Variants in SREK1 observed in about 807,000 individuals in gnomAD.
SREK1 encodes the protein splicing regulatory glutamic acid and lysine rich protein 1.
Under a neutral mutation model 66.5 loss-of-function variants are expected in SREK1, and 13 were observed. The ratio of observed to expected loss-of-function variants is 0.20; its 90% CI spans 0.13 to 0.31. The LOEUF is 0.31. Among genes scored for constraint, SREK1 ranks in the 10% least tolerant of loss-of-function variants. The pLI is 1.00. For missense variants in SREK1, 607 were observed against 769.6 expected (o/e 0.79, Z 2.50); for synonymous variants, 265 against 263.5 (o/e 1.01, Z -0.05).
rs770139735 is a variant in SREK1 at position 66,170,831 on chromosome 5, A to G, written c.1368A>G (p.Glu456=). ...AGAAGGAAAAGGAACAGGACAAAGA[A>G]AAGGAACGAGAAAAAGACAGATCCA... ...DKEKEKEQDK[E]KEREKDRSKE... is the part of the protein sequence containing the mutation. Residue 456 remains glutamate (E), a synonymous_variant, in exon 9 of 12, where the codon GAA becomes GAG. Coordinates refer to ENST00000334121, the MANE Select transcript of SREK1 (RefSeq NM_001077199.3). 1 of 1,613,802 alleles carries G rather than the reference A, an allele frequency of 6.2e-7. No homozygotes were observed. The highest frequency in any genetic ancestry group is 1.1e-5 in the South Asian group (1 of 91,032).
In SREK1 at chr5:66,153,510, G is replaced by A. The variant is rs762917969; in HGVS notation, c.209G>A (p.Arg70His). 8 of 1,613,740 alleles carry A rather than the reference G, an allele frequency of 5.0e-6. No homozygotes were observed. Among genetic ancestry groups the A allele is most frequent in the South Asian group, 4.4e-5 (4 of 91,044 alleles). The change falls in exon 2 of 12, where the codon CGT becomes CAT. Residue 70 changes from arginine to histidine, a missense_variant. By Grantham distance (29) the Arg-to-His change is conservative (BLOSUM62 0). Coordinates refer to ENST00000334121, the MANE Select transcript of SREK1 (RefSeq NM_001077199.3). Reference sequence around the variant, plus strand: ...TCCAAAGTATGTTATGTTAAGTTTCGTGATCCATCAAGTGTTGGCGTGGCC... The same window carrying A: ...TCCAAAGTATGTTATGTTAAGTTTCATGATCCATCAAGTGTTGGCGTGGCC... ...FSSKVCYVKF[R>H]DPSSVGVAQH...
At chr5:66,144,983 G>T in intron 1 of SREK1, 3 of 987,462 alleles carry the variant, frequency 3.0e-6, no homozygotes, top group Non-Finnish European at 2.4e-6. Context: ...AGGCCGTTTT[G>T]CTGACGAGAA....
In SREK1 at chr5:66,153,609, C is replaced by CT; in HGVS notation, c.295+20dup. On this transcript the variant is annotated intron_variant, in intron 2 of 11. Coordinates refer to ENST00000334121, the MANE Select transcript of SREK1 (RefSeq NM_001077199.3). ...CCTTGTGCAGAAGGTTGGTATCTCG[C>CT]TTTTTTTCCTCTTATTTGAATTTCT... is the stretch of plus-strand genomic sequence containing the variant. The CT allele has an allele frequency of 6.2e-7, 1 of 1,613,688 alleles. No individual in the cohort carries two copies. Among genetic ancestry groups the CT allele is most frequent in the East Asian group, 2.2e-5 (1 of 44,828 alleles).
rs371059336 is a variant in SREK1 at position 66,174,985 on chromosome 5, G to A, written c.1524G>A (p.Ser508=). 7.0e-5 allele frequency: 113 copies of A among 1,612,606 alleles called. No homozygotes were observed. The highest frequency in any genetic ancestry group is 9.2e-5 in the Non-Finnish European group (109 of 1,179,318). The change falls in exon 10 of 12, where the codon TCG becomes TCA. Residue 508 remains serine, a synonymous_variant. Coordinates refer to ENST00000334121, the MANE Select transcript of SREK1 (RefSeq NM_001077199.3). The part of the protein sequence containing the change: ...RRRRSRSSSR[S]PRTSKTIKRK... ...GGAGGAGCAGGAGTTCTTCCAGATC[G>A]CCAAGAACATCAAAAACCATAAAAA...
Position 66,167,165 on chromosome 5 carries a change from C to T in SREK1, c.1001+2268C>T, listed in dbSNP as rs566525938. On this transcript the variant is annotated intron_variant, in intron 7 of 11. Coordinates refer to ENST00000334121, the MANE Select transcript of SREK1 (RefSeq NM_001077199.3). The stretch of plus-strand genomic sequence containing the variant: ...TGCTTCCTACCTCCCAACCCTCCCC[C>T]ACAGCCTTTCCCTGTTCCTTCCGCT... The T allele has an allele frequency of 4.6e-5, 7 of 152,314 alleles. No homozygotes were observed. In the East Asian group the frequency reaches 1.4e-3, roughly 29 times the overall value. 9.4% of individuals were successfully genotyped at this position (152,314 alleles called of 1,614,324 possible).
At chr5:66,148,669 G>T (rs192113837) in intron 1 of SREK1, among the ~76,000 whole-genome samples, 4 of 151,946 alleles carry the variant, frequency 2.6e-5, no homozygotes, top group African/African-American at 7.3e-5. Flanking sequence ...ACCATGTTGC[G>T]CAGGCTGGAC....
At chr5:66,161,044 A>G (rs1034862816) in intron 3 of SREK1, among the ~76,000 whole-genome samples, 12 of 152,188 alleles carry the variant, frequency 7.9e-5, no homozygotes, top group African/African-American at 2.9e-4. Flanking sequence ...CCCTTTTCCT[A>G]CCATGGCATA....
chr5:66,157,028 C>G, intron 2 of SREK1: 1 of 984,982 alleles, frequency 1.0e-6, no homozygotes. Context: ...TGGTAGAATT[C>G]TATCTTGGAA....
rs1432014432 is a variant in SREK1 at position 66,157,936 on chromosome 5, A to T, written c.296-1283A>T. Reference sequence around the variant, plus strand: ...TGTGGTTGTTTTAAATATTTTTACAACTGAAACCAGGCATGGTGCTTGTGG... The same window carrying T: ...TGTGGTTGTTTTAAATATTTTTACATCTGAAACCAGGCATGGTGCTTGTGG... On this transcript the variant is annotated intron_variant, in intron 2 of 11. Coordinates refer to ENST00000334121, the MANE Select transcript of SREK1 (RefSeq NM_001077199.3). 4 of 166,618 alleles carry T rather than the reference A, an allele frequency of 2.4e-5. No homozygotes were observed. In the Admixed American group the frequency reaches 2.6e-4, roughly 11 times the overall value. 10.3% of individuals were successfully genotyped at this position (166,618 alleles called of 1,614,324 possible).
chr5:66,156,276 T>C, intron 2 of SREK1: 3 of 1,321,810 alleles, frequency 2.3e-6, no homozygotes, highest in Non-Finnish European at 2.9e-6. Flanking sequence ...GTTTTTGTTT[T>C]TGTTTTTGTT....
chr5:66,147,336 CAAGT>C (rs1185798675), intron 1 of SREK1, among the ~76,000 whole-genome samples: 1 of 152,130 alleles, frequency 6.6e-6, no homozygotes, highest in African/African-American at 2.4e-5. Flanking sequence ...CTTTCTTACA[CAAGT>C]AAGAAATCCT....
chr5:66,156,903 A>ATCACTT lies in SREK1; in HGVS notation c.296-2315_296-2314insCACTTT, dbSNP rs1610942. On this transcript the variant is annotated intron_variant, in intron 2 of 11. Coordinates refer to ENST00000334121, the MANE Select transcript of SREK1 (RefSeq NM_001077199.3). ...CTAAATGGATTCTGAGATTAGGACTATAATACTGTGAGAGATGTTTTCCTC... is the reference window on the plus strand; with the variant it reads ...CTAAATGGATTCTGAGATTAGGACTATCACTTTAATACTGTGAGAGATGTTTTCCTC... The ATCACTT allele has an allele frequency of 5.3e-5, 52 of 984,484 alleles. No individual in the cohort carries two copies. In the African/African-American group the frequency reaches 7.7e-4, roughly 15 times the overall value. The allele number at this position is 984,484 out of a possible 1,614,324, so 61.0% of individuals were successfully genotyped here. A position where few individuals can be genotyped will look rare whatever the true frequency, so the allele number is the denominator to read the frequency against.
intron 1 of SREK1, among the ~76,000 whole-genome samples, chr5:66,146,930 A>T (rs150977173): frequency 1.6e-3 from 237 of 152,308 alleles, no homozygotes; most frequent in African/African-American, 5.5e-3. Flanking sequence ...TTAAAATTTT[A>T]TGATTGAGCC....
In SREK1 at chr5:66,173,612, A is replaced by G. The variant is rs142637680; in HGVS notation, c.1485-1334A>G. On this transcript the variant is annotated intron_variant, in intron 9 of 11. Coordinates refer to ENST00000334121, the MANE Select transcript of SREK1 (RefSeq NM_001077199.3). ...CAAGTAATTGTCTAGATTGCTGTCT[A>G]TGGAGACTTTCCTCTCATTATCGTC... Among the ~76,000 whole-genome samples the G allele has an allele frequency of 1.1e-3, 169 of 152,338 alleles. 2 individuals carry two copies. The highest frequency in any genetic ancestry group is 3.4e-3 in the Middle Eastern group (1 of 294).
At chr5:66,175,948 ACTTTCT>A (rs576986252) in intron 10 of SREK1, among the ~76,000 whole-genome samples, 52 of 152,280 alleles carry the variant, frequency 3.4e-4, no homozygotes, top group South Asian at 3.3e-3. Context: ...TTTTAAAATA[ACTTTCT>A]CTTTTTCTTT....
chr5:66,146,525 T>C (rs1743207578), intron 1 of SREK1, among the ~76,000 whole-genome samples: 1 of 152,108 alleles, frequency 6.6e-6, no homozygotes, highest in South Asian at 2.1e-4. Context: ...CTGTAACACA[T>C]TAAGCAAAAT....
chr5:66,159,086 T>C, intron 2 of SREK1, 133 bp from the exon 3 acceptor site: 5 of 1,425,308 alleles, frequency 3.5e-6, no homozygotes, highest in Non-Finnish European at 4.6e-6. Context: ...TCTTATTTAT[T>C]TCTTTATACA....
intron 3 of SREK1, 99 bp downstream of exon 3, chr5:66,159,433 T>C (rs1008092676): frequency 1.6e-4 from 144 of 913,800 alleles, no homozygotes; most frequent in Non-Finnish European, 2.0e-4. Flanking sequence ...TCTTCTTCTT[T>C]TTTTTTTTTT....
chr5:66,144,926 C>T (rs902977135), intron 1 of SREK1: 45 of 993,054 alleles, frequency 4.5e-5, no homozygotes, highest in African/African-American at 7.0e-5. Context: ...CTGAAAATCG[C>T]GGAGACCGCG....
Sources: gnomAD v4.1 joint callset for allele counts (sites outside exome capture counted in the v4.1 genomes callset) on GRCh38, gnomAD v4.1.1 for gene constraint, MANE v1.5 for transcripts, NCBI Gene and HGNC (gene_info 2026-07-23, HGNC 2026-07-21) for gene names.